The following CPEB4 variants were observed in gnomAD, a reference collection of about 807,000 sequenced individuals.
The protein encoded by CPEB4 is cytoplasmic polyadenylation element binding protein 4.
Under a neutral mutation model 72.5 loss-of-function variants are expected in CPEB4, and 12 were observed. The observed-to-expected ratio is 0.17, with a 90% confidence interval of 0.11 to 0.27. The LOEUF (loss-of-function observed/expected upper bound fraction) is 0.27. Ranked by LOEUF, CPEB4 falls within the 10% of genes least tolerant of loss-of-function variation. The pLI is 1.00. For missense variants in CPEB4, 614 were observed against 908.5 expected, an observed-to-expected ratio of 0.68 and a Z score of 4.17; for synonymous variants, 302 against 326.3, an observed-to-expected ratio of 0.93 and a Z score of 0.80.
rs1254478449 is a variant in CPEB4, at chr5:173,956,026, C to T, written c.2079C>T (p.Tyr693=). 1.9e-6 allele frequency: 3 copies of T among 1,614,004 alleles called. No homozygotes were observed. Among genetic ancestry groups the T allele is most frequent in the Non-Finnish European group, 2.5e-6 (3 of 1,179,904 alleles). Residue 693 remains tyrosine, a synonymous_variant, in exon 10 of 10, where the codon TAC becomes TAT. Transcript: ENST00000265085. ...FCANVTCLQY[Y]CEYCWAAIHS... ...CTAATGTTACCTGTCTGCAGTATTA[C>T]TGTGAATATTGCTGGGCTGCTATCC...
chr5:173,893,030 TGTGTGTGA>T (rs753801986), intron 1 of CPEB4: 2,289 of 146,550 alleles, frequency 0.016, 28 homozygotes, highest in African/African-American at 0.042. Flanking sequence ...TGTGTGTGTG[TGTGTGTGA>T]GAGAGAGAGA....
At chr5:173,914,233 A>T (rs1483557094) in intron 2 of CPEB4, among the ~76,000 whole-genome samples, 2 of 152,204 alleles carry the variant, frequency 1.3e-5, no homozygotes, top group Non-Finnish European at 2.9e-5. Flanking sequence ...TTTCTTGTCA[A>T]ACTATCTTCT....
At chr5:173,913,918 T>C (rs1366189867) in intron 2 of CPEB4, among the ~76,000 whole-genome samples, 1 of 152,226 alleles carries the variant, frequency 6.6e-6, no homozygotes, top group Non-Finnish European at 1.5e-5. Context: ...TTCAGCGTAT[T>C]GCCTAATTCA....
At chr5:173,890,911 T>A in intron 1 of CPEB4, 53 bp downstream of exon 1, 1 of 1,517,080 alleles carries the variant, frequency 6.6e-7, no homozygotes, top group Non-Finnish European at 8.9e-7. Flanking sequence ...TAGCATGGTG[T>A]AATATCTATG....
At chr5:173,898,585 C>G (rs1011042786) in intron 1 of CPEB4, among the ~76,000 whole-genome samples, 1 of 152,202 alleles carries the variant, frequency 6.6e-6, no homozygotes, top group Admixed American at 6.5e-5. Context: ...AGCAACTCAT[C>G]AAACAGAAAT....
chr5:173,932,186 G>A (rs930848908), intron 2 of CPEB4, among the ~76,000 whole-genome samples: 2 of 152,150 alleles, frequency 1.3e-5, no homozygotes, highest in African/African-American at 2.4e-5. Context: ...TTGTCATAAT[G>A]AGTTGCTATT....
rs527716997 is a variant in CPEB4 at position 173,946,833 on chromosome 5, A to T, written c.1456+1693A>T. 2.0e-5 allele frequency among the ~76,000 whole-genome samples: 3 copies of T among 152,190 alleles called. No homozygotes were observed. In the South Asian group the frequency reaches 6.2e-4, roughly 32 times the overall value. Reference sequence around the variant, plus strand: ...AGTACAACTTCCATGTTATACTGACATTGTTCCCTGTTTACTAGACTCACA... The same window carrying T: ...AGTACAACTTCCATGTTATACTGACTTTGTTCCCTGTTTACTAGACTCACA... On this transcript the variant is annotated intron_variant, in intron 5 of 9. Coordinates refer to ENST00000265085, the MANE Select transcript of CPEB4 (RefSeq NM_030627.4).
chr5:173,952,972 T>G, intron 8 of CPEB4, 119 bp from the exon 9 acceptor site: 1 of 767,372 alleles, frequency 1.3e-6, no homozygotes, highest in African/African-American at 1.7e-5. Flanking sequence ...TGTTTCATTT[T>G]AATAATTATT....
chr5:173,950,012 T>C lies in CPEB4; in HGVS notation c.1599T>C (p.Asp533=), dbSNP rs754232891. ...AAAGCTCTGTGCAGGCTCTCATTGA[T>C]GCATGCATTGAAGAAGATGGAAAAC... ...QDESSVQALI[D]ACIEEDGKLY... is the part of the protein sequence containing the mutation. The change falls in exon 7 of 10, where the codon GAT becomes GAC. Residue 533 remains aspartate, a synonymous_variant. Transcript: ENST00000265085. The surrounding 1 kb of genome is among the most constrained non-coding windows in gnomAD (Gnocchi z 5.0). 2 of 1,612,620 alleles carry C rather than the reference T, an allele frequency of 1.2e-6. No individual in the cohort carries two copies. Among genetic ancestry groups the C allele is most frequent in the Admixed American group, 1.7e-5 (1 of 59,702 alleles).
intron 1 of CPEB4, among the ~76,000 whole-genome samples, chr5:173,898,049 A>AG (rs1185869436): frequency 6.6e-6 from 1 of 152,192 alleles, no homozygotes; most frequent in African/African-American, 2.4e-5. Context: ...AAGCTGTACA[A>AG]GCGCATTTTA....
intron 1 of CPEB4, among the ~76,000 whole-genome samples, chr5:173,898,700 A>G (rs922058996): frequency 1.3e-5 from 2 of 152,222 alleles, no homozygotes; most frequent in Non-Finnish European, 2.9e-5. Context: ...TTTTTGAGAC[A>G]AGGTCTCATT....
At chr5:173,933,469 C>T (rs938556205) in intron 3 of CPEB4, among the ~76,000 whole-genome samples, 1 of 152,176 alleles carries the variant, frequency 6.6e-6, no homozygotes, top group African/African-American at 2.4e-5. Context: ...TTGCTGGGTA[C>T]ATCAGATCTT....
chr5:173,953,548 CTTAG>C (rs1758278511), intron 9 of CPEB4: 1 of 389,094 alleles, frequency 2.6e-6, no homozygotes, highest in Admixed American at 4.3e-5. Context: ...CATTCATTCA[CTTAG>C]TTTGTAAGTC....
intron 2 of CPEB4, among the ~76,000 whole-genome samples, chr5:173,919,847 T>C (rs139294933): frequency 6.6e-6 from 1 of 152,322 alleles, no homozygotes; most frequent in Non-Finnish European, 1.5e-5. Flanking sequence ...GAATGTTGTA[T>C]GCAGTTGATT....
chr5:173,909,997 CAA>C (rs1221865340), intron 1 of CPEB4, among the ~76,000 whole-genome samples: 5 of 118,712 alleles, frequency 4.2e-5, no homozygotes, highest in African/African-American at 6.2e-5. Context: ...GACTGTGTCT[CAA>C]AAAAAAAAAA....
chr5:173,926,271 T>C (rs1177415578), intron 2 of CPEB4, among the ~76,000 whole-genome samples: 2 of 152,258 alleles, frequency 1.3e-5, no homozygotes, highest in African/African-American at 4.8e-5. Flanking sequence ...AATACTTATA[T>C]ATACTGCTAA....
intron 4 of CPEB4, 106 bp downstream of exon 4, chr5:173,943,155 A>G: frequency 9.1e-7 from 1 of 1,096,806 alleles, no homozygotes; most frequent in Non-Finnish European, 1.3e-6. Context: ...AATGAAGCAT[A>G]GCTTTGATCC....
intron 2 of CPEB4, among the ~76,000 whole-genome samples, chr5:173,911,233 T>C (rs1756645468): frequency 6.6e-6 from 1 of 151,910 alleles, no homozygotes; most frequent in Non-Finnish European, 1.5e-5. Context: ...AAAATGTAGA[T>C]GTCTGGACCC....
At chr5:173,948,853 A>G (rs1758123727) in intron 5 of CPEB4, among the ~76,000 whole-genome samples, 1 of 152,168 alleles carries the variant, frequency 6.6e-6, no homozygotes, top group Admixed American at 6.5e-5. Flanking sequence ...TTATAAGGGC[A>G]CTAATCCCAT....
Sources: allele counts gnomAD v4.1 joint callset (sites outside exome capture counted in the v4.1 genomes callset), GRCh38; gene constraint gnomAD v4.1.1; non-coding constraint Gnocchi (gnomAD v3.1); transcripts MANE v1.5; gene names NCBI Gene and HGNC (gene_info 2026-07-23, HGNC 2026-07-21).